FDFT1: variants seen among roughly 807,000 people sequenced by gnomAD.
FDFT1 encodes squalene synthase.
In FDFT1, 68 loss-of-function variants were observed where a neutral mutation model predicts 46.8. The observed-to-expected ratio is 1.45, with a 90% CI of 1.19 to 1.78. The LOEUF (loss-of-function observed/expected upper bound fraction) is 1.78, where lower values mean the gene tolerates loss of function less well. Ranked by LOEUF, FDFT1 falls within the 40% of genes most tolerant of loss-of-function variation. The probability of loss-of-function intolerance (pLI) is 0.00; values close to 1 mark genes in which losing one functional copy is unlikely to be tolerated. For missense variants in FDFT1, 928 were observed against 524.4 expected, an observed-to-expected ratio of 1.77 and a Z score of -7.52; for synonymous variants, 351 against 185.1, an observed-to-expected ratio of 1.90 and a Z score of -7.28.
chr8:11,811,441 G>GGC lies in FDFT1; in HGVS notation c.381+1591_381+1592insGC, dbSNP rs1415335524. Reference sequence around the variant, plus strand: ...CTGGGGCATGGGATAAATGTGTTAGGTATTGCTAAGTCAAGGCAGCCCTAT... The same window carrying GGC: ...CTGGGGCATGGGATAAATGTGTTAGGGCTATTGCTAAGTCAAGGCAGCCCTAT... On this transcript the variant is annotated intron_variant, in intron 3 of 7. Transcript: ENST00000220584. Among the ~76,000 whole-genome samples the GGC allele has an allele frequency of 4.0e-4, 61 of 152,288 alleles. No individual in the cohort carries two copies. In the East Asian group the frequency reaches 9.0e-3, roughly 23 times the overall value.
At chr8:11,827,757 T>TG (rs1245198720) in intron 5 of FDFT1, among the ~76,000 whole-genome samples, 2 of 152,118 alleles carry the variant, frequency 1.3e-5, no homozygotes, top group Non-Finnish European at 1.5e-5. Context: ...TAAACTACTC[T>TG]GGGGGCTGGG....
At chr8:11,801,287 T>C (rs1806094752), upstream of FDFT1, among the ~76,000 whole-genome samples, 1 of 152,186 alleles carries the variant, frequency 6.6e-6, no homozygotes, top group East Asian at 1.9e-4. Context: ...GGAGAGACAC[T>C]GAACAGCTTT....
In FDFT1 at chr8:11,838,718, A is replaced by G; in HGVS notation, c.*109A>G. ...TTTTTCCTACTACTTTAATCCCTAA[A>G]AGAACGCTGTGTGGCTGGGACCTTT... On this transcript the variant is annotated 3_prime_UTR_variant, in exon 8 of 8. Transcript: ENST00000220584. 1 of 871,278 alleles carries G rather than the reference A, an allele frequency of 1.1e-6. No homozygotes were observed. The highest frequency in any genetic ancestry group is 1.9e-6 in the Non-Finnish European group (1 of 533,586). The allele number at this position is 871,278 out of a possible 1,614,324, so 54.0% of individuals were successfully genotyped here.
chr8:11,807,085 A>G (rs1006563998), intron 1 of FDFT1, among the ~76,000 whole-genome samples: 1 of 110,824 alleles, frequency 9.0e-6, no homozygotes, highest in Non-Finnish European at 2.2e-5. Flanking sequence ...CACTGTTACC[A>G]TTCTGAAGTG....
intron 7 of FDFT1, among the ~76,000 whole-genome samples, 156 bp from the exon 8 acceptor site, chr8:11,838,232 G>T (rs1475774446): frequency 1.3e-5 from 2 of 152,150 alleles, no homozygotes; most frequent in Non-Finnish European, 2.9e-5. Context: ...CTTATCATTG[G>T]GATGGCTTTG....
chr8:11,797,969 G>GTTT (rs1805733722), upstream of FDFT1: 1 of 152,254 alleles, frequency 6.6e-6, no homozygotes, highest in African/African-American at 2.4e-5. Context: ...TGGCAAGGAC[G>GTTT]TTTTTATTCT....
chr8:11,812,677 T>C (rs184967129), intron 3 of FDFT1, among the ~76,000 whole-genome samples: 36 of 152,312 alleles, frequency 2.4e-4, no homozygotes, highest in South Asian at 2.3e-3. Flanking sequence ...TAGCTACATA[T>C]AGTATGTGGG....
At chr8:11,803,052 G>C in intron 1 of FDFT1, 121 bp downstream of exon 1, 2 of 1,464,936 alleles carry the variant, frequency 1.4e-6, no homozygotes, top group East Asian at 2.5e-5. Flanking sequence ...CGACGCCTGG[G>C]TGTTCCCGTC....
chr8:11,823,655 CCTT>C (rs1199885621), intron 4 of FDFT1, among the ~76,000 whole-genome samples: 1 of 152,118 alleles, frequency 6.6e-6, no homozygotes, highest in Non-Finnish European at 1.5e-5. Context: ...GCAGCCTTGA[CCTT>C]CTGGGCTCAA....
chr8:11,832,970 C>G (rs910427426), intron 7 of FDFT1, among the ~76,000 whole-genome samples: 2 of 152,148 alleles, frequency 1.3e-5, no homozygotes, highest in Admixed American at 6.5e-5. Flanking sequence ...TAGAATTATA[C>G]AAAATAGCGA....
chr8:11,835,640 A>G (rs779794709), intron 7 of FDFT1, among the ~76,000 whole-genome samples: 2 of 152,136 alleles, frequency 1.3e-5, no homozygotes, highest in Non-Finnish European at 2.9e-5. Context: ...TCCCAAAAGG[A>G]TGTAAGATGG....
At chr8:11,820,764 A>C (rs555699944) in intron 3 of FDFT1, among the ~76,000 whole-genome samples, 1 of 152,216 alleles carries the variant, frequency 6.6e-6, no homozygotes, top group Non-Finnish European at 1.5e-5. Context: ...TCCTCCAGGT[A>C]CAGTCACTCA....
intron 4 of FDFT1, among the ~76,000 whole-genome samples, chr8:11,823,097 G>T (rs562476149): frequency 3.2e-4 from 48 of 152,278 alleles, no homozygotes; most frequent in Non-Finnish European, 5.9e-4. Context: ...TGTAACTACA[G>T]TGCATGACAC....
At chr8:11,808,581 C>G (rs1807221829) in intron 1 of FDFT1, 1 of 1,387,458 alleles carries the variant, frequency 7.2e-7, no homozygotes, top group Non-Finnish European at 9.3e-7. Context: ...GGTGCTGAGT[C>G]CCGCCGCGGC....
intron 3 of FDFT1, among the ~76,000 whole-genome samples, chr8:11,810,386 C>A (rs2280942): frequency 8.5e-5 from 13 of 152,158 alleles, no homozygotes; most frequent in South Asian, 2.1e-4. Context: ...AGCAGCCTGG[C>A]ATGGGGGCGG....
intron 7 of FDFT1, among the ~76,000 whole-genome samples, chr8:11,835,808 G>C (rs952381756): frequency 5.9e-5 from 9 of 152,010 alleles, no homozygotes; most frequent in Admixed American, 2.6e-4. Context: ...TGCTTGTACA[G>C]TTGCTCTGAG....
upstream of FDFT1, among the ~76,000 whole-genome samples, chr8:11,798,886 G>C (rs1290313531): frequency 6.6e-6 from 1 of 152,202 alleles, no homozygotes; most frequent in African/African-American, 2.4e-5. Flanking sequence ...AATTTAGAAA[G>C]GGAGAAGAGC....
At chr8:11,820,909 G>A (rs1026531743) in intron 3 of FDFT1, among the ~76,000 whole-genome samples, 1 of 152,212 alleles carries the variant, frequency 6.6e-6, no homozygotes, top group African/African-American at 2.4e-5. Flanking sequence ...GATGAACCAG[G>A]TACCTCAGTT....
chr8:11,809,354 C>A lies in FDFT1; in HGVS notation c.198-313C>A, dbSNP rs1485830892. On this transcript the variant is annotated intron_variant, in intron 2 of 7. Transcript: ENST00000220584. ...TTTTGACTTTCTTTTCTATTTGCTA[C>A]ATATTAGTTCGGTCTAAACGTTTGG... The A allele has an allele frequency of 3.6e-6, 4 of 1,115,934 alleles. No homozygotes were observed. The African/African-American group carries it at 6.5e-5, about 18-fold the overall frequency. 69.1% of individuals were successfully genotyped at this position (1,115,934 alleles called of 1,614,324 possible).
Sources: gnomAD v4.1 joint callset for allele counts (sites outside exome capture counted in the v4.1 genomes callset) on GRCh38, gnomAD v4.1.1 for gene constraint, MANE v1.5 for transcripts, NCBI Gene and HGNC (gene_info 2026-07-23, HGNC 2026-07-21) for gene names.